The following STPG2 variants were observed in gnomAD, a reference collection of about 807,000 sequenced individuals.
STPG2 encodes sperm tail PG-rich repeat containing 2.
In STPG2, 56 loss-of-function variants were observed where a neutral mutation model predicts 54.2. The observed-to-expected ratio is 1.03, with a 90% CI of 0.83 to 1.29. The LOEUF is 1.29. Ranked by LOEUF, STPG2 falls within the 50% of genes most tolerant of loss-of-function variation. The pLI is 0.00. For synonymous variants in STPG2, 200 were observed against 181.8 expected (o/e 1.10, Z -0.81); for missense variants, 596 against 544.9 (o/e 1.09, Z -0.93).
At chr4:97,651,285 A>G (rs1444397853) in intron 10 of STPG2, among the ~76,000 whole-genome samples, 1 of 152,084 alleles carries the variant, frequency 6.6e-6, no homozygotes, top group African/African-American at 2.4e-5. Flanking sequence ...GAAAAAAAAA[A>G]TTCTAAATCT....
intron 4 of STPG2, among the ~76,000 whole-genome samples, chr4:97,478,863 C>A (rs1730144035): frequency 7.0e-6 from 1 of 142,078 alleles, no homozygotes. Context: ...CCCTAGAAAC[C>A]AAGCCAAATA....
At chr4:98,005,134 C>T (rs751951743) in intron 5 of STPG2, among the ~76,000 whole-genome samples, 5 of 152,146 alleles carry the variant, frequency 3.3e-5, no homozygotes, top group Non-Finnish European at 5.9e-5. Flanking sequence ...AAGCGTCCAG[C>T]ACATGAGAAA....
intron 8 of STPG2, among the ~76,000 whole-genome samples, chr4:97,875,233 G>C (rs962585838): frequency 1.3e-5 from 2 of 151,842 alleles, no homozygotes; most frequent in African/African-American, 2.4e-5. Context: ...CTGGGTCTTT[G>C]GTAGGCGAAA....
intron 4 of STPG2, among the ~76,000 whole-genome samples, chr4:97,488,660 T>C (rs1040065707): frequency 2.0e-5 from 3 of 151,676 alleles, no homozygotes; most frequent in Non-Finnish European, 4.4e-5. Flanking sequence ...TTTCAAAAAC[T>C]GGCTTCCAAG....
intron 5 of STPG2, among the ~76,000 whole-genome samples, chr4:98,017,858 T>C (rs9998682): frequency 0.39 from 59,907 of 151,850 alleles, 12,054 homozygotes; most frequent in Middle Eastern, 0.47. Flanking sequence ...AAGTGGCAGT[T>C]TAGCCTGCAT....
At chr4:97,894,251 ATATT>A (rs1212642510) in intron 8 of STPG2, among the ~76,000 whole-genome samples, 2 of 151,950 alleles carry the variant, frequency 1.3e-5, no homozygotes, top group African/African-American at 2.4e-5. Flanking sequence ...AATAACTTTA[ATATT>A]TATTTATACA....
rs546448818 is a variant in STPG2, at chr4:97,618,405, G to A, written c.1321-59288C>T. Among the ~76,000 whole-genome samples the A allele has an allele frequency of 4.6e-5, 7 of 151,948 alleles. No homozygotes were observed. In the East Asian group the frequency reaches 1.4e-3, roughly 29 times the overall value. ...AATTCCAACTTCCCAACTGAACCCA[G>A]TCAACTCCCAGAATCATGGGAAATT... On this transcript the variant is annotated intron_variant, in intron 10 of 10. Coordinates refer to ENST00000295268, the MANE Select transcript of STPG2 (RefSeq NM_174952.3).
At chr4:97,738,584 TCAAAC>T (rs1212014235) in intron 9 of STPG2, among the ~76,000 whole-genome samples, 1 of 152,110 alleles carries the variant, frequency 6.6e-6, no homozygotes, top group East Asian at 1.9e-4. Flanking sequence ...AAAACAGACT[TCAAAC>T]CAACAAAGAT....
intron 4 of STPG2, among the ~76,000 whole-genome samples, chr4:97,547,818 G>C (rs1207322198): frequency 6.6e-6 from 1 of 152,122 alleles, no homozygotes; most frequent in African/African-American, 2.4e-5. Flanking sequence ...TCTAATTCGA[G>C]GAAGGGAGCT....
chr4:97,971,511 A>G (rs144206969), intron 7 of STPG2, among the ~76,000 whole-genome samples: 20 of 152,314 alleles, frequency 1.3e-4, no homozygotes, highest in African/African-American at 4.8e-4. Flanking sequence ...ATGGATATGA[A>G]GCTGAAAACC....
rs1578423010 is a variant in STPG2 at position 97,611,493 on chromosome 4, T to C, written c.1321-52376A>G. Among the ~76,000 whole-genome samples, 2 of 152,040 alleles carry C rather than the reference T, an allele frequency of 1.3e-5. 1 individual carries two copies. The highest frequency in any genetic ancestry group is 1.3e-4 in the Admixed American group (2 of 15,228). On this transcript the variant is annotated intron_variant, in intron 10 of 10. Coordinates refer to ENST00000295268, the MANE Select transcript of STPG2 (RefSeq NM_174952.3). ...AGTTTGGTTTATTCCAATATTAAAGTTGTGGTATAATATTAAAAAATATAT... is the reference window on the plus strand; with the variant it reads ...AGTTTGGTTTATTCCAATATTAAAGCTGTGGTATAATATTAAAAAATATAT...
At chr4:97,799,776 GTT>G (rs34172336) in intron 9 of STPG2, among the ~76,000 whole-genome samples, 1 of 151,938 alleles carries the variant, frequency 6.6e-6, no homozygotes, top group Admixed American at 6.6e-5. Context: ...TCTGCAGAGT[GTT>G]TTCCAGCTTG....
intron 4 of STPG2, among the ~76,000 whole-genome samples, chr4:97,458,128 A>T (rs1729573500): frequency 6.6e-6 from 1 of 152,174 alleles, no homozygotes. Context: ...TTCACCTGAA[A>T]ATAGGAATGA....
At chr4:98,034,401 G>C (rs768160705) in intron 5 of STPG2, among the ~76,000 whole-genome samples, 1 of 152,114 alleles carries the variant, frequency 6.6e-6, no homozygotes, top group Non-Finnish European at 1.5e-5. Context: ...GACATGTGAA[G>C]TACCTCTTCA....
intron 8 of STPG2, among the ~76,000 whole-genome samples, chr4:97,888,343 G>A (rs563403278): frequency 5.3e-5 from 8 of 152,294 alleles, no homozygotes; most frequent in East Asian, 1.9e-4. Flanking sequence ...CATGGGGGCT[G>A]AGCCCTTCAG....
At chr4:97,778,605 T>C (rs772169854) in intron 9 of STPG2, among the ~76,000 whole-genome samples, 10 of 152,258 alleles carry the variant, frequency 6.6e-5, no homozygotes, top group Admixed American at 4.6e-4. Flanking sequence ...AGCATGGAGT[T>C]TGAGATCACG....
chr4:97,454,341 G>A (rs978101327), intron 4 of STPG2, among the ~76,000 whole-genome samples: 25 of 150,154 alleles, frequency 1.7e-4, no homozygotes, highest in African/African-American at 4.4e-4. Flanking sequence ...GTGAAACCCC[G>A]TCTCTACTAA....
chr4:97,857,882 G>C (rs1015484063), intron 8 of STPG2, among the ~76,000 whole-genome samples: 5 of 151,964 alleles, frequency 3.3e-5, no homozygotes, highest in African/African-American at 1.2e-4. Flanking sequence ...TTCTAGAGTT[G>C]AAACATGCAA....
At chr4:97,949,877 G>A (rs1560605716) in intron 7 of STPG2, among the ~76,000 whole-genome samples, 1 of 151,520 alleles carries the variant, frequency 6.6e-6, no homozygotes, top group East Asian at 1.9e-4. Context: ...TTTGTTTTTT[G>A]TTTTTTGTTT....
Sources: allele counts gnomAD v4.1 joint callset (sites outside exome capture counted in the v4.1 genomes callset), GRCh38; gene constraint gnomAD v4.1.1; transcripts MANE v1.5; gene names NCBI Gene and HGNC (gene_info 2026-07-23, HGNC 2026-07-21).